Variants in NDST4 observed in about 807,000 individuals in gnomAD.
The protein encoded by NDST4 is N-heparan sulfate sulfotransferase 4.
A neutral mutation model predicts 100.8 loss-of-function variants in NDST4; 63 were observed. That is an observed-to-expected ratio of 0.62 (90% CI 0.51 to 0.77). The LOEUF (loss-of-function observed/expected upper bound fraction) is 0.77, where lower values mean the gene tolerates loss of function less well. Among genes scored for constraint, NDST4 ranks in the 30% least tolerant of loss-of-function variants. The probability of loss-of-function intolerance (pLI) is 0.00; values close to 1 mark genes in which losing one functional copy is unlikely to be tolerated. For missense variants in NDST4, 943 were observed against 1,018.4 expected (o/e 0.93, Z 1.01); for synonymous variants, 377 against 361.8 (o/e 1.04, Z -0.48).
rs200553262 is a variant in NDST4, at chr4:115,107,598, T to TA, written c.-247+5845dup. 6.1e-3 allele frequency among the ~76,000 whole-genome samples: 934 copies of TA among 152,214 alleles called. 17 individuals carry two copies. Among genetic ancestry groups the TA allele is most frequent in the African/African-American group, 0.021 (889 of 41,542 alleles). On this transcript the variant is annotated intron_variant, in intron 1 of 13. Transcript: ENST00000264363. Reference sequence around the variant, plus strand: ...CCTGACCAGTCCTATCACTTTCACATACAGCTTTTAATGTGCCACCTTGAC... The same window carrying TA: ...CCTGACCAGTCCTATCACTTTCACATAACAGCTTTTAATGTGCCACCTTGAC...
chr4:114,957,316 C>A (rs952070179), intron 4 of NDST4, among the ~76,000 whole-genome samples: 1 of 152,168 alleles, frequency 6.6e-6, no homozygotes, highest in East Asian at 1.9e-4. Context: ...AGCAAAGTCA[C>A]ATCTTACATG....
chr4:115,043,816 G>A (rs1326105267), intron 2 of NDST4, among the ~76,000 whole-genome samples: 1 of 151,948 alleles, frequency 6.6e-6, no homozygotes, highest in African/African-American at 2.4e-5. Context: ...AATAAAGAAG[G>A]GATATAATAT....
rs1036679418 is a variant in NDST4 at position 114,973,863 on chromosome 4, C to T, written c.1067-3279G>A. Among the ~76,000 whole-genome samples the T allele has an allele frequency of 2.6e-5, 4 of 151,644 alleles. No individual in the cohort carries two copies. The South Asian group carries it at 6.2e-4, about 24-fold the overall frequency. On this transcript the variant is annotated intron_variant, in intron 3 of 13. Transcript: ENST00000264363. ...ATATTTTCTAATTTTCCTTGTACATCGAACCTGGCATGGTTCCATATATGT... is the reference window on the plus strand; with the variant it reads ...ATATTTTCTAATTTTCCTTGTACATTGAACCTGGCATGGTTCCATATATGT...
chr4:115,102,892 A>G (rs777506494), intron 1 of NDST4, among the ~76,000 whole-genome samples: 8 of 151,914 alleles, frequency 5.3e-5, no homozygotes, highest in Non-Finnish European at 7.4e-5. Flanking sequence ...TATTTTTAGT[A>G]GAGACGGGAT....
chr4:114,941,471 TC>T (rs1425385638), intron 4 of NDST4, among the ~76,000 whole-genome samples: 2 of 152,168 alleles, frequency 1.3e-5, no homozygotes, highest in African/African-American at 4.8e-5. Flanking sequence ...AGTCTACATT[TC>T]TCAAACTCCT....
Position 114,853,138 on chromosome 4 carries a change from C to A in NDST4, c.1720-317G>T, listed in dbSNP as rs548872883. Reference sequence around the variant, plus strand: ...TATATATCAGAGGACTTGACTTAACCTGGTTTCATCATAGTTACTCATATT... The same window carrying A: ...TATATATCAGAGGACTTGACTTAACATGGTTTCATCATAGTTACTCATATT... On this transcript the variant is annotated intron_variant, in intron 7 of 13. Coordinates refer to ENST00000264363, the MANE Select transcript of NDST4 (RefSeq NM_022569.3). Among the ~76,000 whole-genome samples, 4 of 152,254 alleles carry A rather than the reference C, an allele frequency of 2.6e-5. No homozygotes were observed. The South Asian group carries it at 8.3e-4, about 32-fold the overall frequency.
chr4:114,872,316 A>G (rs528082999), intron 6 of NDST4, among the ~76,000 whole-genome samples: 1 of 152,176 alleles, frequency 6.6e-6, no homozygotes, highest in African/African-American at 2.4e-5. Context: ...ACCCCACTAT[A>G]GGTTAAAAAC....
At chr4:114,926,437 C>G (rs1353461983) in intron 6 of NDST4, among the ~76,000 whole-genome samples, 1 of 151,984 alleles carries the variant, frequency 6.6e-6, no homozygotes, top group Non-Finnish European at 1.5e-5. Flanking sequence ...AGATGTAAAA[C>G]TTTATTCCAA....
chr4:114,945,342 T>C (rs1725839223), intron 4 of NDST4, among the ~76,000 whole-genome samples: 1 of 150,160 alleles, frequency 6.7e-6, no homozygotes, highest in South Asian at 2.1e-4. Context: ...GGTGTCAATA[T>C]AAAGAGGGGT....
At chr4:114,854,745 G>A (rs187261709) in intron 7 of NDST4, among the ~76,000 whole-genome samples, 10 of 152,210 alleles carry the variant, frequency 6.6e-5, no homozygotes, top group African/African-American at 2.2e-4. Flanking sequence ...TGGGATTACA[G>A]GCATGAGCCC....
At chr4:115,100,715 C>G (rs1286949032) in intron 1 of NDST4, among the ~76,000 whole-genome samples, 2 of 151,940 alleles carry the variant, frequency 1.3e-5, no homozygotes, top group African/African-American at 2.4e-5. Flanking sequence ...ACCTGTTTCT[C>G]TACTCTTCAA....
At chr4:115,075,963 A>T in intron 2 of NDST4, 96 bp downstream of exon 2, 2 of 1,423,598 alleles carry the variant, frequency 1.4e-6, no homozygotes, top group Non-Finnish European at 1.9e-6. Flanking sequence ...ACTGCACCTT[A>T]AAACTTTAGG....
intron 11 of NDST4, among the ~76,000 whole-genome samples, chr4:114,835,893 G>C (rs1723295928): frequency 6.6e-6 from 1 of 152,092 alleles, no homozygotes; most frequent in Non-Finnish European, 1.5e-5. Context: ...TTGGATCTTT[G>C]TTAGTTTAAA....
At chr4:114,899,418 C>G (rs540424772) in intron 6 of NDST4, among the ~76,000 whole-genome samples, 1 of 152,202 alleles carries the variant, frequency 6.6e-6, no homozygotes, top group South Asian at 2.1e-4. Flanking sequence ...ACTTCATGAT[C>G]CACCCACCTC....
chr4:114,853,042 T>C (rs1427525959), intron 7 of NDST4, among the ~76,000 whole-genome samples: 2 of 152,174 alleles, frequency 1.3e-5, no homozygotes, highest in Admixed American at 6.5e-5. Context: ...CCTGTTGTTA[T>C]CATCTTTCAG....
At position 114,935,199 on chromosome 4, in the gene NDST4, T is replaced by C; in HGVS notation, c.1536+7A>G. The C allele has an allele frequency of 1.3e-6, 2 of 1,594,516 alleles. No homozygotes were observed. The highest frequency in any genetic ancestry group is 2.7e-5 in the African/African-American group (2 of 73,900). The stretch of plus-strand genomic sequence containing the variant: ...CTTATTGTAAGGTGCATACATAGAA[T>C]ACATACTGGGTTTAGAAGGATTGTG... On this transcript the variant is annotated splice_region_variant and intron_variant, in intron 6 of 13. Transcript: ENST00000264363.
intron 6 of NDST4, among the ~76,000 whole-genome samples, chr4:114,871,178 G>C (rs1456191478): frequency 6.6e-6 from 1 of 152,078 alleles, no homozygotes; most frequent in African/African-American, 2.4e-5. Flanking sequence ...TTCTTCAGAA[G>C]TATAGCATTA....
At chr4:115,069,712 A>G (rs1355898752) in intron 2 of NDST4, among the ~76,000 whole-genome samples, 1 of 152,070 alleles carries the variant, frequency 6.6e-6, no homozygotes, top group Admixed American at 6.5e-5. Context: ...CCCAGCCAAC[A>G]TGGTGAAACC....
chr4:114,973,682 A>G (rs1726566158), intron 3 of NDST4, among the ~76,000 whole-genome samples: 1 of 151,902 alleles, frequency 6.6e-6, no homozygotes, highest in South Asian at 2.1e-4. Context: ...TAAGTCTGCC[A>G]AAATAAGAAT....
Sources: allele counts gnomAD v4.1 joint callset (sites outside exome capture counted in the v4.1 genomes callset), GRCh38; gene constraint gnomAD v4.1.1; transcripts MANE v1.5; gene names NCBI Gene and HGNC (gene_info 2026-07-23, HGNC 2026-07-21).